The following PGS1 variants were observed in gnomAD, a reference collection of about 807,000 sequenced individuals.
PGS1 encodes CDP-diacylglycerol--glycerol-3-phosphate 3-phosphatidyltransferase, mitochondrial.
A neutral mutation model predicts 58.3 loss-of-function variants in PGS1; 44 were observed. The ratio of observed to expected loss-of-function variants is 0.75; its 90% CI spans 0.59 to 0.97. PGS1 has a LOEUF of 0.97. Ranked by LOEUF, PGS1 falls within the 50% of genes least tolerant of loss-of-function variation. The pLI is 0.00. For missense variants in PGS1, 684 were observed against 731.1 expected, an observed-to-expected ratio of 0.94 and a Z score of 0.74; for synonymous variants, 330 against 311.0, an observed-to-expected ratio of 1.06 and a Z score of -0.64.
At chr17:78,393,003 C>T (rs1346839039) in intron 2 of PGS1, among the ~76,000 whole-genome samples, 2 of 152,040 alleles carry the variant, frequency 1.3e-5, no homozygotes, top group South Asian at 2.1e-4. Context: ...AAGTGATCCC[C>T]CTGCCTCGGC....
chr17:78,402,439 CA>C (rs1243088461), intron 6 of PGS1, among the ~76,000 whole-genome samples: 36 of 150,714 alleles, frequency 2.4e-4, no homozygotes, highest in African/African-American at 8.8e-4. Flanking sequence ...CACACACACA[CA>C]CACATATGTA....
chr17:78,408,307 T>A (rs971463862), intron 7 of PGS1, among the ~76,000 whole-genome samples: 11 of 152,210 alleles, frequency 7.2e-5, no homozygotes, highest in Non-Finnish European at 1.0e-4. Flanking sequence ...CAAGTGTGAT[T>A]TGGCATAGGG....
rs1023807668 is a variant in PGS1 at position 78,388,457 on chromosome 17, C to T, written c.144-4019C>T. Reference sequence around the variant, plus strand: ...TCACGCGATCGTCCCCCTCAATCTCCCGAGTAGCTGGGACTACAGGCACAT... The same window carrying T: ...TCACGCGATCGTCCCCCTCAATCTCTCGAGTAGCTGGGACTACAGGCACAT... On this transcript the variant is annotated intron_variant, in intron 1 of 9. Coordinates refer to ENST00000262764, the MANE Select transcript of PGS1 (RefSeq NM_024419.5). Among the ~76,000 whole-genome samples the T allele has an allele frequency of 3.3e-5, 5 of 152,196 alleles. No individual in the cohort carries two copies. In the South Asian group the frequency reaches 8.3e-4, roughly 25 times the overall value.
chr17:78,391,825 T>C (rs2082857414), intron 1 of PGS1, among the ~76,000 whole-genome samples: 1 of 152,188 alleles, frequency 6.6e-6, no homozygotes, highest in Non-Finnish European at 1.5e-5. Context: ...GGTCCTGCTA[T>C]ATTGCTCAGG....
intron 7 of PGS1, among the ~76,000 whole-genome samples, chr17:78,406,546 G>T (rs574485272): frequency 6.6e-6 from 1 of 152,254 alleles, no homozygotes; most frequent in South Asian, 2.1e-4. Flanking sequence ...GCATTGTTTG[G>T]TGTGGGAAGT....
chr17:78,423,768 TTGGTTACAAAGCACCTGATTA>T, intron 9 of PGS1: 1 of 1,173,576 alleles, frequency 8.5e-7, no homozygotes, highest in Non-Finnish European at 1.2e-6. Flanking sequence ...TCCGATGTGC[TTGGTTACAAAGCACCTGATTA>T]TTTAAGAGAA....
At chr17:78,417,212 AGT>A (rs1036878573) in intron 8 of PGS1, among the ~76,000 whole-genome samples, 9 of 152,066 alleles carry the variant, frequency 5.9e-5, no homozygotes, top group Non-Finnish European at 1.2e-4. Context: ...AGGAAACCTA[AGT>A]GTTTCTGGTA....
intron 8 of PGS1, among the ~76,000 whole-genome samples, chr17:78,416,828 C>CCCTA (rs1229983771): frequency 2.6e-5 from 4 of 152,112 alleles, no homozygotes; most frequent in Non-Finnish European, 5.9e-5. Flanking sequence ...CTCTCCTGAG[C>CCCTA]CCTACAGTGC....
chr17:78,404,239 C>G, intron 7 of PGS1, 150 bp downstream of exon 7: 1 of 803,004 alleles, frequency 1.2e-6, no homozygotes, highest in Non-Finnish European at 1.9e-6. Context: ...ATAGCTGTCC[C>G]ATGACTTGGG....
In PGS1 at chr17:78,424,147, C is replaced by G. The variant is rs139023942; in HGVS notation, c.*97C>G. 1.2e-6 allele frequency: 2 copies of G among 1,609,988 alleles called. No individual in the cohort carries two copies. Reference sequence around the variant, plus strand: ...GATGACTCCAGTCTGGGTGTCCCAGCGAGCCCCTGCAGGGACAGTATGGCT... The same window carrying G: ...GATGACTCCAGTCTGGGTGTCCCAGGGAGCCCCTGCAGGGACAGTATGGCT... On this transcript the variant is annotated 3_prime_UTR_variant, in exon 10 of 10. Coordinates refer to ENST00000262764, the MANE Select transcript of PGS1 (RefSeq NM_024419.5).
At chr17:78,383,070 C>T (rs1567932795) in intron 1 of PGS1, among the ~76,000 whole-genome samples, 1 of 152,032 alleles carries the variant, frequency 6.6e-6, no homozygotes, top group Non-Finnish European at 1.5e-5. Context: ...TACTTTTTTT[C>T]CTTTTTAAAC....
intron 6 of PGS1, 55 bp from the exon 7 acceptor site, chr17:78,403,513 A>G: frequency 1.9e-6 from 3 of 1,554,640 alleles, no homozygotes; most frequent in Non-Finnish European, 2.6e-6. Context: ...TGAGCTGGGC[A>G]GAGTCCAGAC....
In PGS1 at chr17:78,401,977, C is replaced by A. The variant is rs8071884; in HGVS notation, c.880+1122C>A. On this transcript the variant is annotated intron_variant, in intron 6 of 9. Transcript: ENST00000262764. ...GGCCAGGATGAGAGCCAGCACGCTC[C>A]GAGCAGGAGCGGGGAGACTCGAGCC... is the stretch of plus-strand genomic sequence containing the variant. 7.2e-3 allele frequency among the ~76,000 whole-genome samples: 1,101 copies of A among 152,096 alleles called. 13 individuals carry two copies. Among genetic ancestry groups the A allele is most frequent in the Middle Eastern group, 0.014 (4 of 294 alleles).
intron 7 of PGS1, among the ~76,000 whole-genome samples, chr17:78,414,168 G>A (rs895805841): frequency 2.6e-5 from 4 of 152,214 alleles, no homozygotes; most frequent in Non-Finnish European, 5.9e-5. Flanking sequence ...AAATAGGGAG[G>A]CTGGGTCAGG....
At chr17:78,419,730 G>C in intron 9 of PGS1, 55 bp downstream of exon 9, 1 of 1,603,432 alleles carries the variant, frequency 6.2e-7, no homozygotes, top group Non-Finnish European at 8.5e-7. Flanking sequence ...TCACAGGTGG[G>C]GCAGGTGGTT....
At chr17:78,413,961 GAT>G (rs1276504590) in intron 7 of PGS1, among the ~76,000 whole-genome samples, 3 of 152,356 alleles carry the variant, frequency 2.0e-5, no homozygotes, top group Non-Finnish European at 4.4e-5. Flanking sequence ...CTCCAACTGT[GAT>G]ACTGACTGGC....
chr17:78,387,686 A>G (rs1049309677), intron 1 of PGS1, among the ~76,000 whole-genome samples: 5 of 150,302 alleles, frequency 3.3e-5, no homozygotes, highest in African/African-American at 1.2e-4. Context: ...TGCAGCTTCG[A>G]ACACCTGGGT....
In PGS1 at chr17:78,422,784, GCTTTT is replaced by G. The variant is rs572593292; in HGVS notation, c.*11-1272_*11-1268del. Among the ~76,000 whole-genome samples the G allele has an allele frequency of 1.1e-3, 173 of 152,258 alleles. 1 individual carries two copies. Among genetic ancestry groups the G allele is most frequent in the Admixed American group, 3.6e-3 (55 of 15,294 alleles). On this transcript the variant is annotated intron_variant, in intron 9 of 9. Transcript: ENST00000262764. ...GAGGCGTGAGCTGCTGCAGCGGCCT[GCTTTT>G]CTTTGAAGCCTGAGAAATGTTGAGG...
At chr17:78,390,796 C>A (rs2082767394) in intron 1 of PGS1, among the ~76,000 whole-genome samples, 1 of 152,174 alleles carries the variant, frequency 6.6e-6, no homozygotes, top group South Asian at 2.1e-4. Context: ...GGCAGAAATT[C>A]ATCTCCTTCA....
Sources: allele counts gnomAD v4.1 joint callset (sites outside exome capture counted in the v4.1 genomes callset), GRCh38; gene constraint gnomAD v4.1.1; transcripts MANE v1.5; gene names NCBI Gene and HGNC (gene_info 2026-07-23, HGNC 2026-07-21).